The following GXYLT2 variants were observed in gnomAD, a reference collection of about 807,000 sequenced individuals.
GXYLT2 encodes the protein glucoside xylosyltransferase 2.
GXYLT2 carries 53 observed loss-of-function variants against 45.8 expected under a neutral mutation model. The observed-to-expected ratio is 1.16, with a 90% CI of 0.93 to 1.46. GXYLT2 has a LOEUF of 1.46. GXYLT2 is among the 40% of genes most tolerant of loss of function. The pLI is 0.00. For missense variants in GXYLT2, 551 were observed against 544.4 expected, an observed-to-expected ratio of 1.01 and a Z score of -0.12; for synonymous variants, 219 against 214.2, an observed-to-expected ratio of 1.02 and a Z score of -0.19.
At chr3:72,949,583 C>T (rs1355968633) in intron 3 of GXYLT2, among the ~76,000 whole-genome samples, 1 of 124,410 alleles carries the variant, frequency 8.0e-6, no homozygotes, top group Non-Finnish European at 1.6e-5. Context: ...GCGATCTCAG[C>T]TGACTGCAAC....
chr3:72,965,716 G>A (rs1710854027), intron 5 of GXYLT2, among the ~76,000 whole-genome samples: 1 of 152,132 alleles, frequency 6.6e-6, no homozygotes, highest in Admixed American at 6.5e-5. Context: ...GCACCCACTA[G>A]ATGCCAGTAG....
In GXYLT2 at chr3:72,963,661, C is replaced by A. The variant is rs548960493; in HGVS notation, c.977-3886C>A. On this transcript the variant is annotated intron_variant, in intron 5 of 6. Coordinates refer to ENST00000389617, the MANE Select transcript of GXYLT2 (RefSeq NM_001080393.2). ...GGGATTACAGGTGTGTACCACCATG[C>A]CTAGCTAATTTTTTTTTTTTTTTTT... 2.8e-5 allele frequency among the ~76,000 whole-genome samples: 4 copies of A among 142,000 alleles called. No homozygotes were observed. The South Asian group carries it at 6.8e-4, about 24-fold the overall frequency. The allele number at this position is 142,000 out of a possible 152,430, so 93.2% of individuals were successfully genotyped here.
intron 3 of GXYLT2, among the ~76,000 whole-genome samples, chr3:72,949,556 G>A (rs1319159586): frequency 8.4e-6 from 1 of 119,368 alleles, no homozygotes; most frequent in Non-Finnish European, 1.6e-5. Context: ...TCCATCACCA[G>A]GCTGGAGTGC....
At chr3:72,905,828 C>T (rs1184693217) in intron 1 of GXYLT2, among the ~76,000 whole-genome samples, 1 of 152,088 alleles carries the variant, frequency 6.6e-6, no homozygotes, top group African/African-American at 2.4e-5. Context: ...TAGTTTTTGC[C>T]AATCTGAAAA....
intron 2 of GXYLT2, among the ~76,000 whole-genome samples, chr3:72,910,367 G>C (rs1709593221): frequency 6.6e-6 from 1 of 152,064 alleles, no homozygotes; most frequent in Non-Finnish European, 1.5e-5. Context: ...TCAACTAGTA[G>C]ACAGAAGACT....
chr3:72,934,436 G>C (rs1298527544), intron 3 of GXYLT2, among the ~76,000 whole-genome samples: 1 of 152,056 alleles, frequency 6.6e-6, no homozygotes, highest in African/African-American at 2.4e-5. Flanking sequence ...AACCAGAATA[G>C]TATTTACCAA....
At chr3:72,950,481 A>G (rs913012174) in intron 3 of GXYLT2, among the ~76,000 whole-genome samples, 13 of 152,176 alleles carry the variant, frequency 8.5e-5, no homozygotes, top group Non-Finnish European at 1.5e-4. Flanking sequence ...AAAAGAAAAA[A>G]TTAGCTGGCC....
rs1368782980 is a variant in GXYLT2, at chr3:72,888,180, G to T, written c.-54G>T. On this transcript the variant is annotated 5_prime_UTR_variant, in exon 1 of 7. Transcript: ENST00000389617. ...GCTGCACTCATCCTGCCGCCGCCGC[G>T]ATGCGCAGAGGGGCCGAGCCGCCTG... 6.1e-6 allele frequency: 6 copies of T among 980,116 alleles called. No homozygotes were observed. Among genetic ancestry groups the T allele is most frequent in the South Asian group, 4.6e-5 (1 of 21,974 alleles). The allele number at this position is 980,116 out of a possible 1,614,324, so 60.7% of individuals were successfully genotyped here.
intron 2 of GXYLT2, among the ~76,000 whole-genome samples, chr3:72,917,232 C>A (rs1236047973): frequency 2.0e-5 from 3 of 151,990 alleles, no homozygotes; most frequent in Non-Finnish European, 2.9e-5. Flanking sequence ...CTAAGGGAGC[C>A]CGTGAACCAT....
chr3:72,974,042 T>C (rs1419093004), intron 6 of GXYLT2, among the ~76,000 whole-genome samples: 1 of 152,164 alleles, frequency 6.6e-6, no homozygotes, highest in African/African-American at 2.4e-5. Context: ...TAGGCAAGAG[T>C]GTACTGATCT....
chr3:72,934,751 C>T (rs1710146062), intron 3 of GXYLT2, among the ~76,000 whole-genome samples: 2 of 152,082 alleles, frequency 1.3e-5, no homozygotes, highest in African/African-American at 4.8e-5. Flanking sequence ...AGAATCCAGG[C>T]ACAGTTAAGG....
At chr3:72,906,465 A>G (rs937617997) in intron 1 of GXYLT2, among the ~76,000 whole-genome samples, 2 of 152,114 alleles carry the variant, frequency 1.3e-5, no homozygotes, top group Admixed American at 1.3e-4. Context: ...TTCACTATGT[A>G]TTACCTTCAT....
chr3:72,943,213 C>A (rs755767665), intron 3 of GXYLT2, among the ~76,000 whole-genome samples: 1 of 152,050 alleles, frequency 6.6e-6, no homozygotes, highest in Non-Finnish European at 1.5e-5. Flanking sequence ...CATATAATTA[C>A]AGAAATTAAG....
In GXYLT2 at chr3:72,904,325, G is replaced by A. The variant is rs115835839; in HGVS notation, c.276-4042G>A. 5.9e-3 allele frequency among the ~76,000 whole-genome samples: 900 copies of A among 152,322 alleles called. 8 individuals are homozygous for A. The highest frequency in any genetic ancestry group is 0.019 in the African/African-American group (798 of 41,576). On this transcript the variant is annotated intron_variant, in intron 1 of 6. Coordinates refer to ENST00000389617, the MANE Select transcript of GXYLT2 (RefSeq NM_001080393.2). The stretch of plus-strand genomic sequence containing the variant: ...AGTAGGAGCTGGTGAAAGGCACACC[G>A]TGCCAGTGCCCTTAAACTTTATTAT...
chr3:72,972,845 G>A (rs985383790), intron 6 of GXYLT2, among the ~76,000 whole-genome samples: 1 of 151,380 alleles, frequency 6.6e-6, no homozygotes, highest in Non-Finnish European at 1.5e-5. Flanking sequence ...GCTGGGGTGG[G>A]AAGATCTCTT....
intron 3 of GXYLT2, among the ~76,000 whole-genome samples, chr3:72,923,533 A>G (rs1205900139): frequency 6.6e-6 from 1 of 152,218 alleles, no homozygotes; most frequent in Non-Finnish European, 1.5e-5. Flanking sequence ...TTGAATTGTC[A>G]GTTGCTGCCT....
At chr3:72,972,103 T>C (rs1316688089) in intron 6 of GXYLT2, among the ~76,000 whole-genome samples, 1 of 152,116 alleles carries the variant, frequency 6.6e-6, no homozygotes, top group Non-Finnish European at 1.5e-5. Context: ...TCTGAAAATA[T>C]TCTCTCTCTT....
At chr3:72,950,166 C>CA (rs1227257833) in intron 3 of GXYLT2, among the ~76,000 whole-genome samples, 1 of 151,704 alleles carries the variant, frequency 6.6e-6, no homozygotes, top group Admixed American at 6.6e-5. Flanking sequence ...TACAAAAAAA[C>CA]AAAAAAATTA....
chr3:72,906,930 A>C (rs1319235086), intron 1 of GXYLT2, among the ~76,000 whole-genome samples: 1 of 152,162 alleles, frequency 6.6e-6, no homozygotes, highest in African/African-American at 2.4e-5. Flanking sequence ...GCATGATTTT[A>C]ATCAAGAGAA....
Sources: gnomAD v4.1 joint callset for allele counts (sites outside exome capture counted in the v4.1 genomes callset) on GRCh38, gnomAD v4.1.1 for gene constraint, MANE v1.5 for transcripts, NCBI Gene and HGNC (gene_info 2026-07-23, HGNC 2026-07-21) for gene names.